The following FARP1 variants were observed in gnomAD, a reference collection of about 807,000 sequenced individuals.
The protein encoded by FARP1 is FERM, ARHGEF and pleckstrin domain-containing protein 1.
In FARP1, 52 loss-of-function variants were observed where a neutral mutation model predicts 128.8. That is an observed-to-expected ratio of 0.40 (90% CI 0.32 to 0.51). The LOEUF (loss-of-function observed/expected upper bound fraction) is 0.51, where lower values mean the gene tolerates loss of function less well. FARP1 is among the 20% of genes least tolerant of loss of function. FARP1 has a pLI of 0.45. For synonymous variants in FARP1, 580 were observed against 551.8 expected, an observed-to-expected ratio of 1.05 and a Z score of -0.72; for missense variants, 1,333 against 1,367.9, an observed-to-expected ratio of 0.97 and a Z score of 0.40.
intron 2 of FARP1, among the ~76,000 whole-genome samples, chr13:98,330,863 G>A (rs1887478423): frequency 6.6e-6 from 1 of 152,170 alleles, no homozygotes; most frequent in Admixed American, 6.5e-5. Context: ...GTGTGTATGT[G>A]CAGTAGAGTC....
intron 16 of FARP1, among the ~76,000 whole-genome samples, chr13:98,420,269 C>T (rs971104258): frequency 1.2e-4 from 19 of 152,168 alleles, no homozygotes; most frequent in African/African-American, 4.6e-4. Context: ...AAAGTGTTTC[C>T]TGGCAGTTGG....
At chr13:98,269,766 G>C (rs569142074) in intron 2 of FARP1, among the ~76,000 whole-genome samples, 5 of 152,154 alleles carry the variant, frequency 3.3e-5, no homozygotes, top group African/African-American at 4.8e-5. Context: ...GTGGTCGGGG[G>C]GTGTCAGCGA....
At chr13:98,224,701 A>T (rs1035952131) in intron 2 of FARP1, among the ~76,000 whole-genome samples, 1 of 151,954 alleles carries the variant, frequency 6.6e-6, no homozygotes, top group Non-Finnish European at 1.5e-5. Flanking sequence ...AGAGTAAGAG[A>T]GCTGAGGTGA....
chr13:98,351,543 C>T (rs1211379469), intron 3 of FARP1, among the ~76,000 whole-genome samples: 4 of 148,902 alleles, frequency 2.7e-5, no homozygotes, highest in Admixed American at 6.8e-5. Context: ...ACCCGGGAGG[C>T]GGAGCTCGCA....
At chr13:98,145,904 A>AGTTGTTTTGT (rs1473455393) in intron 1 of FARP1, among the ~76,000 whole-genome samples, 1 of 108,874 alleles carries the variant, frequency 9.2e-6, no homozygotes, top group Non-Finnish European at 2.2e-5. Flanking sequence ...TGCCCAAGGA[A>AGTTGTTTTGT]ATTGTTTTGT....
intron 19 of FARP1, among the ~76,000 whole-genome samples, chr13:98,436,393 G>A (rs529781264): frequency 2.1e-4 from 32 of 152,280 alleles, no homozygotes; most frequent in African/African-American, 3.9e-4. Context: ...GGAATCAAAC[G>A]TATCATTCAG....
chr13:98,235,475 G>A (rs1699242294), intron 2 of FARP1, among the ~76,000 whole-genome samples: 1 of 152,268 alleles, frequency 6.6e-6, no homozygotes, highest in African/African-American at 2.4e-5. Context: ...GAGCTACACA[G>A]GTATCGGAGA....
At chr13:98,192,951 C>T (rs952274427) in intron 1 of FARP1, among the ~76,000 whole-genome samples, 3 of 152,162 alleles carry the variant, frequency 2.0e-5, no homozygotes, top group East Asian at 1.9e-4. Context: ...GTGTCACACA[C>T]GCAAACCCCG....
intron 2 of FARP1, among the ~76,000 whole-genome samples, chr13:98,301,483 G>A (rs1437428159): frequency 3.9e-5 from 6 of 152,140 alleles, no homozygotes; most frequent in Admixed American, 1.3e-4. Context: ...TGTGTGGCTC[G>A]TTCTCTTCTC....
chr13:98,216,793 CTG>C (rs1451548774), intron 2 of FARP1, among the ~76,000 whole-genome samples: 2 of 152,328 alleles, frequency 1.3e-5, no homozygotes, highest in African/African-American at 4.8e-5. Flanking sequence ...ACAAGCACCT[CTG>C]TGGTTGAACT....
intron 3 of FARP1, among the ~76,000 whole-genome samples, chr13:98,349,482 G>A (rs770132616): frequency 2.0e-5 from 3 of 151,942 alleles, no homozygotes; most frequent in Non-Finnish European, 4.4e-5. Context: ...CACCAGCCTG[G>A]CCAACATGGT....
intron 11 of FARP1, among the ~76,000 whole-genome samples, chr13:98,391,945 A>G (rs1717056293): frequency 6.6e-6 from 1 of 152,208 alleles, no homozygotes; most frequent in Admixed American, 6.5e-5. Flanking sequence ...AAAAATTACA[A>G]TAAAGTACAG....
chr13:98,239,857 G>A (rs1386789745), intron 2 of FARP1, among the ~76,000 whole-genome samples: 3 of 152,172 alleles, frequency 2.0e-5, no homozygotes, highest in South Asian at 4.1e-4. Flanking sequence ...GGTCCAGACT[G>A]TGCTAGAGGA....
chr13:98,275,916 T>C (rs1884634246), intron 2 of FARP1, among the ~76,000 whole-genome samples: 1 of 152,214 alleles, frequency 6.6e-6, no homozygotes, highest in Non-Finnish European at 1.5e-5. Flanking sequence ...AGTGTTTTCA[T>C]TAAGACTGGA....
chr13:98,272,426 TAAG>T (rs1417962501), intron 2 of FARP1, among the ~76,000 whole-genome samples: 1 of 152,178 alleles, frequency 6.6e-6, no homozygotes, highest in Non-Finnish European at 1.5e-5. Flanking sequence ...CAGTAAAAGA[TAAG>T]GAGGAAATTT....
chr13:98,227,714 A>T (rs1594294953), intron 2 of FARP1, among the ~76,000 whole-genome samples: 1 of 152,192 alleles, frequency 6.6e-6, no homozygotes, highest in African/African-American at 2.4e-5. Context: ...AGGTAGAAGG[A>T]TCCCAAACAT....
intron 2 of FARP1, among the ~76,000 whole-genome samples, chr13:98,220,068 C>T (rs571860412): frequency 2.2e-4 from 34 of 151,660 alleles, no homozygotes; most frequent in African/African-American, 7.3e-4. Context: ...TTTTTCTCCC[C>T]GCAAAGAGGT....
At chr13:98,243,755 C>G (rs1223829174) in intron 2 of FARP1, among the ~76,000 whole-genome samples, 1 of 148,200 alleles carries the variant, frequency 6.7e-6, no homozygotes, top group Non-Finnish European at 1.5e-5. Context: ...GGTAATTAAT[C>G]ACCCTTTTTT....
At chr13:98,182,365 G>T (rs535112284) in intron 1 of FARP1, among the ~76,000 whole-genome samples, 1 of 151,994 alleles carries the variant, frequency 6.6e-6, no homozygotes, top group African/African-American at 2.4e-5. Context: ...TTGCCCTGTC[G>T]CCCAGGCTGG....
Sources: gnomAD v4.1 joint callset for allele counts (sites outside exome capture counted in the v4.1 genomes callset) on GRCh38, gnomAD v4.1.1 for gene constraint, MANE v1.5 for transcripts, NCBI Gene and HGNC (gene_info 2026-07-23, HGNC 2026-07-21) for gene names.